The following SGK3 variants were observed in gnomAD, a reference collection of about 807,000 sequenced individuals.
SGK3 encodes the protein serum/glucocorticoid regulated kinase family member 3, also known as serine/threonine-protein kinase Sgk3.
In SGK3, 47 loss-of-function variants were observed where a neutral mutation model predicts 68.5. The observed-to-expected ratio is 0.69, with a 90% CI of 0.54 to 0.87. SGK3 has a LOEUF of 0.87. Ranked by LOEUF, SGK3 falls within the 40% of genes least tolerant of loss-of-function variation. The pLI is 0.00. For missense variants in SGK3, 479 were observed against 575.5 expected (o/e 0.83, Z 1.72); for synonymous variants, 181 against 189.1 (o/e 0.96, Z 0.35).
chr8:66,763,602 G>C (rs1439065818), intron 1 of SGK3, among the ~76,000 whole-genome samples: 2 of 151,866 alleles, frequency 1.3e-5, no homozygotes, highest in Non-Finnish European at 2.9e-5. Flanking sequence ...CCATGCTAGA[G>C]CTAGGAAATA....
intron 1 of SGK3, among the ~76,000 whole-genome samples, chr8:66,774,115 A>G (rs1037984382): frequency 6.6e-6 from 1 of 152,160 alleles, no homozygotes; most frequent in Non-Finnish European, 1.5e-5. Context: ...AGAGTATGAG[A>G]GGGCATTTAG....
At chr8:66,753,857 C>G (rs1339412303) in intron 1 of SGK3, among the ~76,000 whole-genome samples, 1 of 152,092 alleles carries the variant, frequency 6.6e-6, no homozygotes, top group African/African-American at 2.4e-5. Flanking sequence ...ATGATCTCCC[C>G]CTCTCCATAC....
chr8:66,779,663 T>C (rs1455349321), intron 1 of SGK3, among the ~76,000 whole-genome samples: 1 of 142,356 alleles, frequency 7.0e-6, no homozygotes, highest in Non-Finnish European at 1.5e-5. Flanking sequence ...TTTATACATA[T>C]ATATGTATAA....
intron 5 of SGK3, among the ~76,000 whole-genome samples, chr8:66,820,489 A>G (rs768341465): frequency 2.0e-5 from 3 of 152,138 alleles, no homozygotes; most frequent in Non-Finnish European, 2.9e-5. Context: ...CTTTTTGGCT[A>G]TTATGAATAA....
intron 1 of SGK3, among the ~76,000 whole-genome samples, chr8:66,735,562 T>C (rs536708405): frequency 1.3e-5 from 2 of 152,320 alleles, no homozygotes; most frequent in South Asian, 4.1e-4. Flanking sequence ...CTATGTGGCA[T>C]TTGCCCCTAA....
chr8:66,760,193 A>G, intron 1 of SGK3, among the ~76,000 whole-genome samples: 1 of 151,450 alleles, frequency 6.6e-6, no homozygotes. Context: ...GGAGGAGAGC[A>G]GACGAGGTCA....
At chr8:66,835,588 T>A (rs1444534794) in intron 8 of SGK3, among the ~76,000 whole-genome samples, 175 bp from the exon 9 acceptor site, 1 of 152,128 alleles carries the variant, frequency 6.6e-6, no homozygotes, top group Non-Finnish European at 1.5e-5. Context: ...ATCAACACAT[T>A]AAGTGACAAA....
chr8:66,804,320 A>G (rs1185417667), intron 3 of SGK3, 55 bp from the exon 4 acceptor site: 5 of 1,491,050 alleles, frequency 3.4e-6, no homozygotes, highest in African/African-American at 1.4e-5. Context: ...TGATGTGTGC[A>G]TAACTAGAAG....
At chr8:66,774,432 G>C (rs13257882) in intron 1 of SGK3, among the ~76,000 whole-genome samples, 15 of 152,052 alleles carry the variant, frequency 9.9e-5, no homozygotes. Flanking sequence ...GGAGTAGCTG[G>C]GACTGTAGGA....
chr8:66,799,208 C>A (rs1011415169), intron 3 of SGK3, among the ~76,000 whole-genome samples: 2 of 152,188 alleles, frequency 1.3e-5, no homozygotes, highest in Non-Finnish European at 2.9e-5. Flanking sequence ...CTACTGATGG[C>A]AGTACATACA....
chr8:66,788,119 G>T (rs758145107), intron 1 of SGK3, among the ~76,000 whole-genome samples: 2 of 152,158 alleles, frequency 1.3e-5, no homozygotes, highest in Non-Finnish European at 2.9e-5. Context: ...TCCCTATGAG[G>T]CCTTAAATGT....
chr8:66,761,658 A>G (rs1227667068), intron 1 of SGK3, among the ~76,000 whole-genome samples: 18 of 152,056 alleles, frequency 1.2e-4, no homozygotes, highest in Admixed American at 1.2e-3. Context: ...AATCCCAGCT[A>G]TTTGGGAGGC....
chr8:66,724,293 A>G (rs984923841), intron 1 of SGK3, among the ~76,000 whole-genome samples: 7 of 152,168 alleles, frequency 4.6e-5, no homozygotes, highest in African/African-American at 1.7e-4. Flanking sequence ...TTCTCCTTTT[A>G]AAAGTCCACT....
intron 1 of SGK3, among the ~76,000 whole-genome samples, chr8:66,762,229 C>G (rs993374752): frequency 2.6e-5 from 4 of 152,118 alleles, no homozygotes; most frequent in Non-Finnish European, 5.9e-5. Flanking sequence ...TTGGCCTCCC[C>G]AAGTGTTGAG....
intron 1 of SGK3, among the ~76,000 whole-genome samples, chr8:66,761,723 T>C (rs749995189): frequency 5.3e-5 from 8 of 151,966 alleles, no homozygotes; most frequent in Non-Finnish European, 8.8e-5. Flanking sequence ...GAGCTGAGAT[T>C]GCATCTCTGC....
chr8:66,823,931 G>A (rs1052066000), intron 6 of SGK3, among the ~76,000 whole-genome samples: 4 of 152,062 alleles, frequency 2.6e-5, no homozygotes, highest in Non-Finnish European at 4.4e-5. Context: ...AATCAGAGAT[G>A]ATGGGTTGAA....
At chr8:66,722,367 C>T (rs770927101) in intron 1 of SGK3, among the ~76,000 whole-genome samples, 6 of 152,230 alleles carry the variant, frequency 3.9e-5, no homozygotes, top group Non-Finnish European at 8.8e-5. Flanking sequence ...ACTGCAACCT[C>T]TACCTCCCAA....
chr8:66,743,612 C>G (rs926957229), intron 1 of SGK3, among the ~76,000 whole-genome samples: 2 of 152,250 alleles, frequency 1.3e-5, no homozygotes, highest in Non-Finnish European at 2.9e-5. Flanking sequence ...ACTTCTGCCT[C>G]CCAGGTTCAA....
intron 4 of SGK3, among the ~76,000 whole-genome samples, chr8:66,812,549 CTT>C (rs1467456546): frequency 1.3e-5 from 2 of 150,774 alleles, no homozygotes; most frequent in Non-Finnish European, 2.9e-5. Context: ...CAGAGCAAGA[CTT>C]TGTCTCAAAG....
Sources: allele counts gnomAD v4.1 joint callset (sites outside exome capture counted in the v4.1 genomes callset), GRCh38; gene constraint gnomAD v4.1.1; transcripts MANE v1.5; gene names NCBI Gene and HGNC (gene_info 2026-07-23, HGNC 2026-07-21).